Variants in PTPRD observed in about 807,000 individuals in gnomAD.
The protein encoded by PTPRD is protein tyrosine phosphatase receptor type D.
Under a neutral mutation model 214.5 loss-of-function variants are expected in PTPRD, and 34 were observed. The observed-to-expected ratio is 0.16, with a 90% CI of 0.12 to 0.21. The LOEUF is 0.21. Among genes scored for constraint, PTPRD ranks in the 10% least tolerant of loss-of-function variants. The pLI is 1.00. For synonymous variants in PTPRD, 1,128 were observed against 845.7 expected, an observed-to-expected ratio of 1.33 and a Z score of -5.79; for missense variants, 2,545 against 2,398.7, an observed-to-expected ratio of 1.06 and a Z score of -1.27.
intron 2 of PTPRD, among the ~76,000 whole-genome samples, chr9:10,342,377 A>T (rs2096957675): frequency 6.6e-6 from 1 of 152,088 alleles, no homozygotes; most frequent in Non-Finnish European, 1.5e-5. Flanking sequence ...CTTCAATACT[A>T]TTGCCTGCCT....
At chr9:8,496,134 A>G (rs955346453) in intron 26 of PTPRD, among the ~76,000 whole-genome samples, 1 of 151,072 alleles carries the variant, frequency 6.6e-6, no homozygotes, top group Non-Finnish European at 1.5e-5. Flanking sequence ...GCTGTGATCA[A>G]CTTTAAAAAA....
intron 33 of PTPRD, among the ~76,000 whole-genome samples, chr9:8,459,078 C>A (rs1332162850): frequency 6.6e-6 from 1 of 151,808 alleles, no homozygotes; most frequent in African/African-American, 2.4e-5. Context: ...GAAGGAGTTT[C>A]TTTTTTTAAG....
intron 44 of PTPRD, among the ~76,000 whole-genome samples, chr9:8,323,083 C>A (rs900019703): frequency 6.6e-6 from 1 of 152,116 alleles, no homozygotes; most frequent in Admixed American, 6.6e-5. Flanking sequence ...TACCAAATAG[C>A]CCAGTTCTAT....
At chr9:9,105,287 C>T (rs538948359) in intron 10 of PTPRD, among the ~76,000 whole-genome samples, 51 of 152,068 alleles carry the variant, frequency 3.4e-4, no homozygotes, top group Non-Finnish European at 5.6e-4. Flanking sequence ...TTTCACTAAG[C>T]CTTTCATACC....
chr9:8,622,690 T>A (rs899780538), intron 14 of PTPRD, among the ~76,000 whole-genome samples: 11 of 151,962 alleles, frequency 7.2e-5, no homozygotes, highest in Admixed American at 3.3e-4. Context: ...CATGAATTAA[T>A]ACAAATTGCT....
chr9:8,874,197 G>T (rs1281218407), intron 11 of PTPRD, among the ~76,000 whole-genome samples: 1 of 152,108 alleles, frequency 6.6e-6, no homozygotes, highest in Non-Finnish European at 1.5e-5. Context: ...GAAACTGATG[G>T]CCCATGGTTC....
chr9:8,708,310 C>T (rs1015626551), intron 12 of PTPRD, among the ~76,000 whole-genome samples: 14 of 152,024 alleles, frequency 9.2e-5, no homozygotes, highest in East Asian at 1.9e-4. Flanking sequence ...AACCCATACA[C>T]GCTACTGGTG....
rs1555222209 is a variant in PTPRD, at chr9:10,363,996, T to TTTGTTTC, written c.-599-22980_-599-22979insGAAACAA. On this transcript the variant is annotated intron_variant, in intron 2 of 45. Coordinates refer to ENST00000381196, the MANE Select transcript of PTPRD (RefSeq NM_002839.4). ...TATTGCCTCCACATTTTCGGGTTTT[T>TTTGTTTC]TTTTTTTTTTTTTTTTTTTTTGAGA... Among the ~76,000 whole-genome samples, 9 of 98,622 alleles carry TTTGTTTC rather than the reference T, an allele frequency of 9.1e-5. 3 individuals are homozygous for TTTGTTTC. Among genetic ancestry groups the TTTGTTTC allele is most frequent in the Non-Finnish European group, 1.4e-4 (7 of 49,616 alleles). 64.7% of individuals were successfully genotyped at this position (98,622 alleles called of 152,430 possible).
chr9:8,412,408 G>C (rs1191239560), intron 35 of PTPRD, among the ~76,000 whole-genome samples: 1 of 152,114 alleles, frequency 6.6e-6, no homozygotes, highest in East Asian at 1.9e-4. Flanking sequence ...TAGTGTTTTA[G>C]TAAATTAGGA....
At position 9,869,417 on chromosome 9, in the gene PTPRD, G is replaced by T. The variant is rs148840194; in HGVS notation, c.-368+69090C>A. 1.1e-3 allele frequency among the ~76,000 whole-genome samples: 161 copies of T among 152,118 alleles called. 2 individuals are homozygous for T. The East Asian group carries it at 0.017, about 16-fold the overall frequency. ...GGACACTTTATTAAGAATGGATTAG[G>T]TTGACACCAGCTGAATTCACCTATA... On this transcript the variant is annotated intron_variant, in intron 5 of 45. Transcript: ENST00000381196.
chr9:9,379,230 TTA>T (rs750778113), intron 9 of PTPRD, among the ~76,000 whole-genome samples: 27 of 145,830 alleles, frequency 1.9e-4, no homozygotes, highest in Non-Finnish European at 3.2e-4. Flanking sequence ...TTGATATATT[TTA>T]TATATATATA....
At chr9:8,721,635 T>G (rs2098499948) in intron 12 of PTPRD, among the ~76,000 whole-genome samples, 1 of 152,222 alleles carries the variant, frequency 6.6e-6, no homozygotes, top group Non-Finnish European at 1.5e-5. Flanking sequence ...GGCATAGTAC[T>G]AAACACCTTA....
intron 8 of PTPRD, among the ~76,000 whole-genome samples, chr9:9,435,020 G>C (rs574696340): frequency 4.6e-5 from 7 of 151,820 alleles, no homozygotes; most frequent in Admixed American, 2.6e-4. Context: ...GAGTATTTAA[G>C]AATCAAGTTA....
At chr9:10,418,384 TTG>T (rs1491540299) in intron 2 of PTPRD, among the ~76,000 whole-genome samples, 1 of 151,074 alleles carries the variant, frequency 6.6e-6, no homozygotes, top group Non-Finnish European at 1.5e-5. Context: ...TAGGATTCCA[TTG>T]TGAGAGTTCT....
At chr9:9,825,369 A>T (rs2821519) in intron 5 of PTPRD, among the ~76,000 whole-genome samples, 25,956 of 150,974 alleles carry the variant, frequency 0.17, 2,435 homozygotes, top group African/African-American at 0.27. Flanking sequence ...ACACAGAGAG[A>T]GACACAGAGA....
chr9:8,854,764 C>G (rs72704328), intron 11 of PTPRD, among the ~76,000 whole-genome samples: 19,926 of 152,140 alleles, frequency 0.13, 1,581 homozygotes, highest in East Asian at 0.23. Flanking sequence ...TTGTACAGCG[C>G]TTACAAAGCT....
rs1283107915 is a variant in PTPRD, at chr9:8,314,474, A to T, written c.*3400T>A. 3 of 231,546 alleles carry T rather than the reference A, an allele frequency of 1.3e-5. No individual in the cohort carries two copies. The highest frequency in any genetic ancestry group is 2.6e-5 in the Non-Finnish European group (3 of 116,738). 14.3% of individuals were successfully genotyped at this position (231,546 alleles called of 1,614,324 possible). A position where few individuals can be genotyped will look rare whatever the true frequency, so the allele number is the denominator to read the frequency against. On this transcript the variant is annotated 3_prime_UTR_variant, in exon 46 of 46. Coordinates refer to ENST00000381196, the MANE Select transcript of PTPRD (RefSeq NM_002839.4). ...TTTGTTTTAATTTTTCAGTCTATGC[A>T]TCCAAAACGAGAGCAAAGAACACAA...
At chr9:10,387,112 G>C (rs113932018) in intron 2 of PTPRD, among the ~76,000 whole-genome samples, 2 of 151,788 alleles carry the variant, frequency 1.3e-5, no homozygotes, top group Non-Finnish European at 2.9e-5. Flanking sequence ...AAGGATCACA[G>C]CCCTACCTAT....
At chr9:9,738,583 C>T (rs73392848) in intron 6 of PTPRD, among the ~76,000 whole-genome samples, 17,870 of 151,290 alleles carry the variant, frequency 0.12, 1,739 homozygotes, top group African/African-American at 0.26. Flanking sequence ...TGATTACAGG[C>T]ACGTGCCACC....
Sources: gnomAD v4.1 joint callset for allele counts (sites outside exome capture counted in the v4.1 genomes callset) on GRCh38, gnomAD v4.1.1 for gene constraint, MANE v1.5 for transcripts, NCBI Gene and HGNC (gene_info 2026-07-23, HGNC 2026-07-21) for gene names.